The following GRID2 variants were observed in gnomAD, a reference collection of about 807,000 sequenced individuals.
The protein encoded by GRID2 is glutamate ionotropic receptor delta type subunit 2, also known as glutamate receptor ionotropic, delta-2.
A neutral mutation model predicts 114.8 loss-of-function variants in GRID2; 33 were observed. The observed-to-expected ratio is 0.29, with a 90% CI of 0.22 to 0.38. The LOEUF (loss-of-function observed/expected upper bound fraction) is 0.38, where lower values mean the gene tolerates loss of function less well. Ranked by LOEUF, GRID2 falls within the 10% of genes least tolerant of loss-of-function variation. GRID2 has a pLI of 1.00. For synonymous variants in GRID2, 505 were observed against 449.9 expected (o/e 1.12, Z -1.55); for missense variants, 1,184 against 1,257.7 (o/e 0.94, Z 0.89).
chr4:93,499,593 C>A (rs1409650721), intron 12 of GRID2, among the ~76,000 whole-genome samples: 1 of 151,790 alleles, frequency 6.6e-6, no homozygotes, highest in Admixed American at 6.6e-5. Context: ...CCTTCTCTTC[C>A]GGTATCTTCC....
At chr4:92,723,660 G>A (rs547789982) in intron 2 of GRID2, among the ~76,000 whole-genome samples, 2 of 152,182 alleles carry the variant, frequency 1.3e-5, no homozygotes, top group Admixed American at 1.3e-4. Flanking sequence ...GTTTCTTGCA[G>A]AATTACAGTC....
At chr4:92,557,103 C>G (rs1468981512) in intron 1 of GRID2, among the ~76,000 whole-genome samples, 2 of 152,052 alleles carry the variant, frequency 1.3e-5, no homozygotes, top group Non-Finnish European at 2.9e-5. Context: ...GAAGTGTTCT[C>G]TTTTGCCCCT....
At chr4:92,651,776 C>T (rs556775174) in intron 2 of GRID2, among the ~76,000 whole-genome samples, 1 of 152,206 alleles carries the variant, frequency 6.6e-6, no homozygotes, top group South Asian at 2.1e-4. Context: ...AAGTTCTGCC[C>T]ATTGAGAGGA....
At chr4:92,915,228 C>A (rs1197160886) in intron 2 of GRID2, among the ~76,000 whole-genome samples, 1 of 152,136 alleles carries the variant, frequency 6.6e-6, no homozygotes, top group Non-Finnish European at 1.5e-5. Flanking sequence ...CTTGGTCTCT[C>A]CCTTGACACA....
At chr4:92,428,478 T>G (rs1579342351) in intron 1 of GRID2, among the ~76,000 whole-genome samples, 1 of 152,170 alleles carries the variant, frequency 6.6e-6, no homozygotes, top group East Asian at 1.9e-4. Flanking sequence ...AGAATAGAAC[T>G]ATAACAGGTT....
intron 2 of GRID2, among the ~76,000 whole-genome samples, chr4:92,847,602 T>A (rs888516407): frequency 3.9e-5 from 6 of 152,232 alleles, no homozygotes; most frequent in Admixed American, 1.3e-4. Flanking sequence ...TTCAGATCTC[T>A]GTAATTTTAA....
intron 1 of GRID2, among the ~76,000 whole-genome samples, chr4:92,413,131 A>G (rs575941286): frequency 5.3e-5 from 8 of 152,320 alleles, no homozygotes; most frequent in African/African-American, 1.9e-4. Flanking sequence ...CTGGGCTTTC[A>G]GTGTAACCAT....
intron 12 of GRID2, among the ~76,000 whole-genome samples, chr4:93,500,387 A>G (rs1208262657): frequency 1.3e-5 from 2 of 151,842 alleles, no homozygotes; most frequent in African/African-American, 4.8e-5. Flanking sequence ...TTCTCTAGGC[A>G]CTCATATAGA....
intron 1 of GRID2, among the ~76,000 whole-genome samples, chr4:92,491,395 C>T (rs1483399741): frequency 1.3e-5 from 2 of 152,094 alleles, no homozygotes; most frequent in Non-Finnish European, 2.9e-5. Flanking sequence ...TAACTGTATA[C>T]TCCCCAAGTC....
rs1295274294 is a variant in GRID2, at chr4:93,217,425, G to T, written c.963+514G>T. Among the ~76,000 whole-genome samples, 4 of 152,174 alleles carry T rather than the reference G, an allele frequency of 2.6e-5. No homozygotes were observed. The East Asian group carries it at 7.7e-4, about 29-fold the overall frequency. ...CCTTCAGCATCCAGAATACAACAAAGAATTTGAAAGATATAAATAAAACCT... is the reference window on the plus strand; with the variant it reads ...CCTTCAGCATCCAGAATACAACAAATAATTTGAAAGATATAAATAAAACCT... On this transcript the variant is annotated intron_variant, in intron 6 of 15. Coordinates refer to ENST00000282020, the MANE Select transcript of GRID2 (RefSeq NM_001510.4).
chr4:92,536,910 T>C (rs140996308), intron 1 of GRID2, among the ~76,000 whole-genome samples: 13 of 152,310 alleles, frequency 8.5e-5, no homozygotes, highest in African/African-American at 3.1e-4. Context: ...GTAGTTACTA[T>C]GTATTTATTA....
intron 1 of GRID2, among the ~76,000 whole-genome samples, chr4:92,317,928 T>A (rs1037772513): frequency 3.9e-5 from 6 of 152,184 alleles, no homozygotes; most frequent in Admixed American, 2.0e-4. Flanking sequence ...TGGTGATTTT[T>A]AAAAATAAAA....
chr4:92,913,872 C>T (rs948557681), intron 2 of GRID2, among the ~76,000 whole-genome samples: 2 of 151,928 alleles, frequency 1.3e-5, no homozygotes, highest in African/African-American at 4.8e-5. Context: ...CAAAAAATGA[C>T]TACTATTTTT....
chr4:92,739,825 T>C (rs931095440), intron 2 of GRID2, among the ~76,000 whole-genome samples: 23 of 152,162 alleles, frequency 1.5e-4, no homozygotes, highest in Non-Finnish European at 1.2e-4. Flanking sequence ...TTAAGTCTTA[T>C]TCATTGGTAC....
chr4:93,590,424 T>C (rs1285849711), intron 13 of GRID2, among the ~76,000 whole-genome samples: 5 of 149,016 alleles, frequency 3.4e-5, no homozygotes, highest in Non-Finnish European at 6.0e-5. Context: ...ATCTCTGTTT[T>C]GGTATCAGTA....
chr4:92,624,260 T>C (rs192241326), intron 2 of GRID2, among the ~76,000 whole-genome samples: 187 of 151,918 alleles, frequency 1.2e-3, no homozygotes, highest in African/African-American at 3.9e-3. Flanking sequence ...GCACAAACAA[T>C]CTTATTAAGT....
At position 92,377,683 on chromosome 4, in the gene GRID2, G is replaced by A. The variant is rs185121788; in HGVS notation, c.88+72939G>A. 4.6e-5 allele frequency among the ~76,000 whole-genome samples: 7 copies of A among 152,230 alleles called. No homozygotes were observed. In the East Asian group the frequency reaches 1.4e-3, roughly 29 times the overall value. ...CTCATAGTTCCACATGGTTGGGGAG[G>A]CCTCACAATTATGGTGGAAGGCAAG... On this transcript the variant is annotated intron_variant, in intron 1 of 15. Coordinates refer to ENST00000282020, the MANE Select transcript of GRID2 (RefSeq NM_001510.4).
intron 2 of GRID2, among the ~76,000 whole-genome samples, chr4:92,910,663 T>G (rs763351760): frequency 8.6e-5 from 13 of 152,042 alleles, no homozygotes; most frequent in Non-Finnish European, 1.8e-4. Context: ...TTGGTATCCT[T>G]GGGGGACTGG....
At chr4:92,382,893 A>T (rs1314549384) in intron 1 of GRID2, among the ~76,000 whole-genome samples, 2 of 151,826 alleles carry the variant, frequency 1.3e-5, no homozygotes, top group Non-Finnish European at 2.9e-5. Flanking sequence ...AATACCTGAG[A>T]CTGGGTAATT....
Sources: allele counts gnomAD v4.1 joint callset (sites outside exome capture counted in the v4.1 genomes callset), GRCh38; gene constraint gnomAD v4.1.1; transcripts MANE v1.5; gene names NCBI Gene and HGNC (gene_info 2026-07-23, HGNC 2026-07-21).